PBX1: variants seen among roughly 807,000 people sequenced by gnomAD.
PBX1 encodes pre-B-cell leukemia transcription factor 1.
Under a neutral mutation model 53.4 loss-of-function variants are expected in PBX1, and 6 were observed. That is an observed-to-expected ratio of 0.11 (90% CI 0.06 to 0.22). The LOEUF is 0.22. PBX1 is among the 10% of genes least tolerant of loss of function. The pLI, the probability that PBX1 is intolerant of heterozygous loss-of-function variation, is 1.00. For synonymous variants in PBX1, 204 were observed against 212.3 expected, an observed-to-expected ratio of 0.96 and a Z score of 0.34; for missense variants, 251 against 551.4, an observed-to-expected ratio of 0.46 and a Z score of 5.46.
At chr1:164,748,224 T>A (rs1474185894) in intron 2 of PBX1, among the ~76,000 whole-genome samples, 4 of 152,172 alleles carry the variant, frequency 2.6e-5, no homozygotes, top group African/African-American at 9.6e-5. Flanking sequence ...CCATAAATAG[T>A]AATTGTACAA....
chr1:164,759,603 G>C (rs1213247024), intron 2 of PBX1, among the ~76,000 whole-genome samples: 1 of 152,130 alleles, frequency 6.6e-6, no homozygotes, highest in African/African-American at 2.4e-5. Context: ...AGGGCCTAGA[G>C]GGGGAAAGAA....
intron 2 of PBX1, among the ~76,000 whole-genome samples, chr1:164,755,799 T>G (rs2102207692): frequency 6.6e-6 from 1 of 152,054 alleles, no homozygotes; most frequent in East Asian, 1.9e-4. Flanking sequence ...CATGGGACTA[T>G]TAGCTTGAGC....
chr1:164,870,360 T>C (rs563622458), intron 2 of PBX1, among the ~76,000 whole-genome samples: 2 of 95,632 alleles, frequency 2.1e-5, no homozygotes, highest in Non-Finnish European at 4.4e-5. Flanking sequence ...TTTCTTTCTT[T>C]CGAGATGAAG....
chr1:164,678,230 G>A (rs1194340859), intron 2 of PBX1, among the ~76,000 whole-genome samples: 1 of 152,146 alleles, frequency 6.6e-6, no homozygotes, highest in African/African-American at 2.4e-5. Flanking sequence ...AACAAAAGAC[G>A]CAAAGCTGAA....
intron 2 of PBX1, among the ~76,000 whole-genome samples, chr1:164,765,795 T>C (rs1297683044): frequency 6.6e-6 from 1 of 152,154 alleles, no homozygotes; most frequent in Admixed American, 6.5e-5. Context: ...CAGGGTACCA[T>C]GGAAACTTGT....
chr1:164,618,100 T>G (rs1657403589), intron 2 of PBX1, among the ~76,000 whole-genome samples: 1 of 152,172 alleles, frequency 6.6e-6, no homozygotes, highest in African/African-American at 2.4e-5. Context: ...AGCGTTTGCC[T>G]GGTGTCTGTG....
At chr1:164,673,353 C>T (rs1661217268) in intron 2 of PBX1, among the ~76,000 whole-genome samples, 1 of 152,104 alleles carries the variant, frequency 6.6e-6, no homozygotes, top group South Asian at 2.1e-4. Flanking sequence ...CTGGATTTCT[C>T]CCAAAGGAGA....
intron 2 of PBX1, among the ~76,000 whole-genome samples, chr1:164,722,536 A>G (rs1442353106): frequency 1.3e-5 from 2 of 152,156 alleles, no homozygotes; most frequent in East Asian, 3.9e-4. Flanking sequence ...ATATTAATCC[A>G]CAGAAGACTC....
intron 2 of PBX1, among the ~76,000 whole-genome samples, chr1:164,655,117 A>T (rs12748409): frequency 0.1 from 8,738 of 84,220 alleles, 385 homozygotes; most frequent in African/African-American, 0.2. Flanking sequence ...TTTTTTTTTT[A>T]TTTTTATTTT....
At chr1:164,675,965 C>T (rs991368443) in intron 2 of PBX1, among the ~76,000 whole-genome samples, 1 of 152,174 alleles carries the variant, frequency 6.6e-6, no homozygotes, top group African/African-American at 2.4e-5. Context: ...ACTAGGACCT[C>T]TCCCATCATG....
chr1:164,583,376 T>C (rs1654750530), intron 2 of PBX1, among the ~76,000 whole-genome samples: 1 of 152,154 alleles, frequency 6.6e-6, no homozygotes, highest in African/African-American at 2.4e-5. Flanking sequence ...TCCATTCTTT[T>C]TTAGGGAAGA....
chr1:164,749,121 C>T (rs2050745), intron 2 of PBX1, among the ~76,000 whole-genome samples: 45,873 of 151,928 alleles, frequency 0.3, 7,278 homozygotes, highest in South Asian at 0.6. Context: ...TACAGAAAGT[C>T]TGGAAAACAA....
intron 2 of PBX1, among the ~76,000 whole-genome samples, chr1:164,721,922 A>G (rs72696468): frequency 0.014 from 2,169 of 152,354 alleles, 17 homozygotes; most frequent in Middle Eastern, 0.044. Flanking sequence ...CAGAACACAC[A>G]AAGTTCTTAC....
intron 8 of PBX1, 37 bp from the exon 9 acceptor site, chr1:164,846,547 C>T: frequency 6.3e-7 from 1 of 1,590,862 alleles, no homozygotes; most frequent in Non-Finnish European, 8.6e-7. Flanking sequence ...GCCACCCAAT[C>T]TCAGAGGACT....
chr1:164,873,286 A>G (rs1318492130), intron 2 of PBX1, among the ~76,000 whole-genome samples: 3 of 152,344 alleles, frequency 2.0e-5, no homozygotes, highest in Non-Finnish European at 2.9e-5. Context: ...GATTCATTCA[A>G]TATGATTTCT....
At chr1:164,647,115 G>A (rs575602004) in intron 2 of PBX1, among the ~76,000 whole-genome samples, 2 of 152,222 alleles carry the variant, frequency 1.3e-5, no homozygotes, top group South Asian at 4.1e-4. Context: ...CTGCTTTTAA[G>A]TAACCTTTGA....
At chr1:164,740,702 G>T (rs1331994138) in intron 2 of PBX1, among the ~76,000 whole-genome samples, 1 of 152,174 alleles carries the variant, frequency 6.6e-6, no homozygotes, top group African/African-American at 2.4e-5. Flanking sequence ...TCTATTATGT[G>T]CCAGACATGT....
intron 2 of PBX1, among the ~76,000 whole-genome samples, chr1:164,655,237 C>T (rs1238837233): frequency 6.6e-6 from 1 of 151,980 alleles, no homozygotes; most frequent in African/African-American, 2.4e-5. Context: ...CCTCAGCCTC[C>T]CAAGTAGCTG....
At chr1:164,813,762 G>A (rs533706159) in intron 6 of PBX1, 1 of 152,280 alleles carries the variant, frequency 6.6e-6, no homozygotes, top group East Asian at 1.9e-4. Context: ...AAGCCCTGTG[G>A]ACTTTCTTCA....
Sources: allele counts gnomAD v4.1 joint callset (sites outside exome capture counted in the v4.1 genomes callset), GRCh38; gene constraint gnomAD v4.1.1; transcripts MANE v1.5; gene names NCBI Gene and HGNC (gene_info 2026-07-23, HGNC 2026-07-21).